Variants in PRKCZ observed in about 807,000 individuals in gnomAD.
The protein encoded by PRKCZ is protein kinase C zeta type.
In PRKCZ, 33 loss-of-function variants were observed where a neutral mutation model predicts 79.5. The observed-to-expected ratio is 0.41, with a 90% CI of 0.31 to 0.55. The LOEUF is 0.55. Ranked by LOEUF, PRKCZ falls within the 20% of genes least tolerant of loss-of-function variation. The probability of loss-of-function intolerance (pLI) is 0.19; values close to 1 mark genes in which losing one functional copy is unlikely to be tolerated. For missense variants in PRKCZ, 578 were observed against 813.5 expected (o/e 0.71, Z 3.52); for synonymous variants, 342 against 320.9 (o/e 1.07, Z -0.70).
Position 2,169,607 on chromosome 1 carries a change from G to A in PRKCZ, c.1061+3G>A. ...AAGCTCCCTGAGGAGCACGCCAGGT[G>A]GGTGCGCGTGGACGGGGCCGGGTGG... On this transcript the variant is annotated splice_donor_region_variant and intron_variant, in intron 11 of 17. Transcript: ENST00000378567. 6.7e-7 allele frequency: 1 copy of A among 1,500,922 alleles called. No homozygotes were observed. The highest frequency in any genetic ancestry group is 9.0e-7 in the Non-Finnish European group (1 of 1,115,902). The allele number at this position is 1,500,922 out of a possible 1,614,324, so 93.0% of individuals were successfully genotyped here.
At chr1:2,083,525 A>G (rs1344549709) in intron 4 of PRKCZ, among the ~76,000 whole-genome samples, 1 of 152,160 alleles carries the variant, frequency 6.6e-6, no homozygotes, top group African/African-American at 2.4e-5. Context: ...AAAAGTGACT[A>G]TTTTCCCAAA....
intron 2 of PRKCZ, 75 bp downstream of exon 2, chr1:2,055,637 G>A: frequency 6.5e-7 from 1 of 1,530,230 alleles, no homozygotes; most frequent in Non-Finnish European, 8.8e-7. Flanking sequence ...TGTGCGGAGT[G>A]TGCTCAGCCA....
chr1:2,056,506 C>G lies in PRKCZ; in HGVS notation c.216C>G (p.Ser72=). The change falls in exon 3 of 18, where the codon TCC becomes TCG. Residue 72 remains serine, a synonymous_variant. Coordinates refer to ENST00000378567, the MANE Select transcript of PRKCZ (RefSeq NM_002744.6). ...CAGGTGACCCTTGCACGGTGTCCTC[C>G]CAGATGGAGCTGGAAGAGGCTTTCC... The part of the protein sequence containing the change: ...DSEGDPCTVS[S]QMELEEAFRL... 1 of 1,613,974 alleles carries G rather than the reference C, an allele frequency of 6.2e-7. No homozygotes were observed. Among genetic ancestry groups the G allele is most frequent in the Non-Finnish European group, 8.5e-7 (1 of 1,179,966 alleles).
chr1:2,066,560 C>G (rs1199658022), intron 4 of PRKCZ, among the ~76,000 whole-genome samples: 2 of 152,112 alleles, frequency 1.3e-5, no homozygotes, highest in Non-Finnish European at 2.9e-5. Context: ...CAGGCTGGTC[C>G]CGAACTCCTG....
intron 10 of PRKCZ, among the ~76,000 whole-genome samples, chr1:2,163,572 C>T (rs1682732323): frequency 6.6e-6 from 1 of 152,168 alleles, no homozygotes; most frequent in Admixed American, 6.5e-5. Flanking sequence ...AGGGACTTTC[C>T]ACCCATTTCT....
chr1:2,095,764 G>A (rs888098134), intron 4 of PRKCZ, among the ~76,000 whole-genome samples: 1 of 100,114 alleles, frequency 1.0e-5, no homozygotes, highest in Non-Finnish European at 2.0e-5. Context: ...CCTCCTTTCC[G>A]CTCCCCTCCT....
intron 4 of PRKCZ, among the ~76,000 whole-genome samples, chr1:2,100,735 G>A (rs995828094): frequency 1.1e-4 from 16 of 152,272 alleles, no homozygotes; most frequent in South Asian, 8.3e-4. Flanking sequence ...TTTTGAGGCC[G>A]GCCCAGCCCT....
chr1:2,115,223 C>T (rs1670518477), intron 4 of PRKCZ, among the ~76,000 whole-genome samples: 1 of 152,258 alleles, frequency 6.6e-6, no homozygotes, highest in Admixed American at 6.5e-5. Flanking sequence ...CTGCCGTGTC[C>T]GTCCCCACTG....
intron 3 of PRKCZ, 102 bp downstream of exon 3, chr1:2,056,675 T>G (rs1233985241): frequency 1.9e-6 from 2 of 1,072,852 alleles, no homozygotes; most frequent in Non-Finnish European, 2.7e-6. Flanking sequence ...AATCCTATGA[T>G]GCCAGAGAAT....
intron 9 of PRKCZ, among the ~76,000 whole-genome samples, chr1:2,154,059 G>A (rs757525911): frequency 1.3e-5 from 2 of 152,192 alleles, no homozygotes; most frequent in Non-Finnish European, 2.9e-5. Context: ...GTGATATGTG[G>A]GTCATGATGC....
chr1:2,059,342 G>A (rs1344308987), intron 3 of PRKCZ, among the ~76,000 whole-genome samples, 199 bp from the exon 4 acceptor site: 3 of 152,160 alleles, frequency 2.0e-5, no homozygotes, highest in South Asian at 2.1e-4. Flanking sequence ...AAGTTTTTCC[G>A]TGGGTTTTAA....
intron 4 of PRKCZ, among the ~76,000 whole-genome samples, chr1:2,113,090 C>G (rs976656888): frequency 1.3e-5 from 2 of 152,366 alleles, no homozygotes; most frequent in African/African-American, 4.8e-5. Context: ...GCCGGGTCAC[C>G]CAGGTGCCTG....
In PRKCZ at chr1:2,065,678, C is replaced by CAAAAAAAAAAA. The variant is rs61017134; in HGVS notation, c.334+6101_334+6111dup. 6.6e-4 allele frequency among the ~76,000 whole-genome samples: 37 copies of CAAAAAAAAAAA among 56,110 alleles called. 1 individual carries two copies. In the East Asian group the frequency reaches 0.015, roughly 23 times the overall value. The allele number at this position is 56,110 out of a possible 152,430, so 36.8% of individuals were successfully genotyped here. On this transcript the variant is annotated intron_variant, in intron 4 of 17. Coordinates refer to ENST00000378567, the MANE Select transcript of PRKCZ (RefSeq NM_002744.6). ...TGGGCAACAGAGCCAGACTCTGTCT[C>CAAAAAAAAAAA]AAAAAAAAAAAAAAAAAAAAAAAAG...
Position 2,058,102 on chromosome 1 carries a change from C to T in PRKCZ, c.284-1439C>T, listed in dbSNP as rs898433466. Among the ~76,000 whole-genome samples the T allele has an allele frequency of 1.3e-3, 197 of 151,784 alleles. 1 individual carries two copies. The highest frequency in any genetic ancestry group is 1.6e-3 in the Non-Finnish European group (111 of 67,872). On this transcript the variant is annotated intron_variant, in intron 3 of 17. Transcript: ENST00000378567. The stretch of plus-strand genomic sequence containing the variant: ...CAAGATGGTCTCGATCTCCTGACCT[C>T]GTGATCCACCCGCCTCAGCCTCCCA...
chr1:2,070,222 G>GACCCTGCTCCAGCCTGC (rs1357769308), intron 4 of PRKCZ, among the ~76,000 whole-genome samples: 40 of 152,002 alleles, frequency 2.6e-4, no homozygotes, highest in African/African-American at 9.7e-4. Flanking sequence ...CGGGCAGCGG[G>GACCCTGCTCCAGCCTGC]ACCCTGCTCC....
chr1:2,124,285 A>G (rs1477630291), intron 4 of PRKCZ, among the ~76,000 whole-genome samples: 2 of 130,794 alleles, frequency 1.5e-5, no homozygotes, highest in Non-Finnish European at 3.4e-5. Flanking sequence ...TCACGGCTGT[A>G]GTTAGCGTCA....
intron 4 of PRKCZ, among the ~76,000 whole-genome samples, chr1:2,109,348 C>T (rs537115133): frequency 1.3e-5 from 2 of 152,324 alleles, no homozygotes; most frequent in East Asian, 1.9e-4. Context: ...CGGGGGGCAC[C>T]TGGGAGCCAC....
rs915957037 is a variant in PRKCZ, at chr1:2,125,302, G to C, written c.335-9960G>C. Among the ~76,000 whole-genome samples, 1 of 152,218 alleles carries C rather than the reference G, an allele frequency of 6.6e-6. No homozygotes were observed. Among genetic ancestry groups the C allele is most frequent in the Non-Finnish European group, 1.5e-5 (1 of 68,038 alleles). On this transcript the variant is annotated intron_variant, in intron 4 of 17. Coordinates refer to ENST00000378567, the MANE Select transcript of PRKCZ (RefSeq NM_002744.6). This position sits in a 1 kb window ranked among gnomAD's most constrained non-coding sequence, Gnocchi z 4.2. The stretch of plus-strand genomic sequence containing the variant: ...ACGGAAACTATGAAAATACTGGTCA[G>C]CCTCTCAGTCATTTCATAAAATCTT...
At chr1:2,160,450 G>A (rs1286848879) in intron 10 of PRKCZ, among the ~76,000 whole-genome samples, 2 of 152,218 alleles carry the variant, frequency 1.3e-5, no homozygotes, top group African/African-American at 2.4e-5. Context: ...GGGTCACGTA[G>A]GAGGGGCTCA....
Sources: allele counts gnomAD v4.1 joint callset (sites outside exome capture counted in the v4.1 genomes callset), GRCh38; gene constraint gnomAD v4.1.1; non-coding constraint Gnocchi (gnomAD v3.1); transcripts MANE v1.5; gene names NCBI Gene and HGNC (gene_info 2026-07-23, HGNC 2026-07-21).